SBF1: variants seen among roughly 807,000 people sequenced by gnomAD.
SBF1 encodes the protein myotubularin-related protein 5.
In SBF1, 65 loss-of-function variants were observed where a neutral mutation model predicts 215.8. The observed-to-expected ratio is 0.30, with a 90% CI of 0.25 to 0.37. The LOEUF (loss-of-function observed/expected upper bound fraction) is 0.37. SBF1 is among the 10% of genes least tolerant of loss of function. SBF1 has a pLI of 1.00. For missense variants in SBF1, 2,634 were observed against 2,667.8 expected (o/e 0.99, Z 0.28); for synonymous variants, 1,410 against 1,122.8 (o/e 1.26, Z -5.11).
intron 31 of SBF1, 161 bp from the exon 32 acceptor site, chr22:50,455,743 C>A: frequency 1.5e-6 from 1 of 647,326 alleles, no homozygotes; most frequent in South Asian, 1.9e-5. Flanking sequence ...AAACACAGCT[C>A]GCTCTGGGTG....
intron 31 of SBF1, 194 bp from the exon 32 acceptor site, chr22:50,455,776 G>A (rs2067222241): frequency 3.3e-6 from 2 of 609,440 alleles, no homozygotes; most frequent in Non-Finnish European, 5.8e-6. Context: ...CCTCCAGCCT[G>A]CTGGTCACAG....
Position 50,456,544 on chromosome 22 carries a change from A to G in SBF1, c.4034T>C (p.Leu1345Pro). The G allele has an allele frequency of 1.3e-6, 2 of 1,560,132 alleles. No individual in the cohort carries two copies. Among genetic ancestry groups the G allele is most frequent in the Non-Finnish European group, 1.7e-6 (2 of 1,150,978 alleles). ...ANGGPPDPGF[L>P]RPQRAALYIL... ...ATAGAGGGCTGCTCGCTGCGGACGC[A>G]GGAAGCCCGGGTCGGGAGGGCCCCC... Residue 1345 changes from leucine to proline, a missense_variant, in exon 30 of 41, where the codon CTG becomes CCG. Leu to Pro is a moderately conservative substitution (Grantham distance 98). Transcript: ENST00000380817.
chr22:50,468,363 G>GC lies in SBF1; in HGVS notation c.141+12dup, dbSNP rs552527272. 6.2e-7 allele frequency: 1 copy of GC among 1,610,612 alleles called. No individual in the cohort carries two copies. Among genetic ancestry groups the GC allele is most frequent in the East Asian group, 2.2e-5 (1 of 44,762 alleles). ...CCACCTGCCAGCACCGTCTCAGCAC[G>GC]CCCCCAACTCACCAGCTCGATGCCC... is the stretch of plus-strand genomic sequence containing the variant. On this transcript the variant is annotated intron_variant, in intron 2 of 40. Coordinates refer to ENST00000380817, the MANE Select transcript of SBF1 (RefSeq NM_002972.4).
At position 50,475,000 on chromosome 22, in the gene SBF1, T is replaced by A. The variant is rs4824154; in HGVS notation, c.-160A>T. On this transcript the variant is annotated 5_prime_UTR_variant, in exon 1 of 41. Transcript: ENST00000380817. ...GCGGCGGCGGCGGCGGCGGCCCAGG[T>A]TCCCGCCGCCATCTTCCCAGCCAGC... 9 of 251,228 alleles carry A rather than the reference T, an allele frequency of 3.6e-5. No individual in the cohort carries two copies. Among genetic ancestry groups the A allele is most frequent in the South Asian group, 1.0e-4 (1 of 9,692 alleles). 15.6% of individuals were successfully genotyped at this position (251,228 alleles called of 1,614,324 possible). A position where few individuals can be genotyped will look rare whatever the true frequency, so the allele number is the denominator to read the frequency against.
At chr22:50,466,834 T>A in intron 5 of SBF1, 124 bp from the exon 6 acceptor site, 1 of 651,344 alleles carries the variant, frequency 1.5e-6, no homozygotes, top group East Asian at 2.9e-5. Context: ...CTGGCTGGGA[T>A]GGGCAACATG....
At chr22:50,469,653 G>A (rs1457832129) in intron 1 of SBF1, among the ~76,000 whole-genome samples, 1 of 152,176 alleles carries the variant, frequency 6.6e-6, no homozygotes, top group Non-Finnish European at 1.5e-5. Flanking sequence ...CTGTCTGGAC[G>A]GGCCTCTACA....
At chr22:50,473,990 C>A (rs1286534364) in intron 1 of SBF1, among the ~76,000 whole-genome samples, 1 of 152,200 alleles carries the variant, frequency 6.6e-6, no homozygotes. Flanking sequence ...ACACCAAGCA[C>A]GCTCGCCAAC....
At position 50,468,410 on chromosome 22, in the gene SBF1, C is replaced by CT. The variant is rs2067870517; in HGVS notation, c.106_107insA (p.Trp36Ter). 1 of 1,613,070 alleles carries CT rather than the reference C, an allele frequency of 6.2e-7. No individual in the cohort carries two copies. Among genetic ancestry groups the CT allele is most frequent in the Non-Finnish European group, 8.5e-7 (1 of 1,179,456 alleles). The change falls in exon 2 of 41, where the codon TGG (tryptophan) becomes TAGG (stop). Residue 36 changes from tryptophan (W) to a stop codon, truncating the protein, a stop_gained and frameshift_variant. Transcript: ENST00000380817. LOFTEE classifies it high-confidence loss of function. ...GCCCTGGGGGAATGGGTTGTCCTCC[C>CT]AGTCCTTCTCTGGGAAGCGCTGCAG... ...QILQRFPEKD[W>*]EDNPFPQGIE...
At chr22:50,465,686 G>A in intron 10 of SBF1, 77 bp downstream of exon 10, 2 of 1,351,454 alleles carry the variant, frequency 1.5e-6, no homozygotes. Flanking sequence ...GGGGCCCTGT[G>A]TGTCAGTGGC....
Position 50,454,577 on chromosome 22 carries a change from C to T in SBF1, c.4978G>A (p.Val1660Met), listed in dbSNP as rs753949284. 4 of 1,611,648 alleles carry T rather than the reference C, an allele frequency of 2.5e-6. No homozygotes were observed. The highest frequency in any genetic ancestry group is 2.2e-5 in the East Asian group (1 of 44,872). Residue 1660 changes from valine to methionine, a missense_variant, in exon 36 of 41, where the codon GTG becomes ATG. Coordinates refer to ENST00000380817, the MANE Select transcript of SBF1 (RefSeq NM_002972.4). The part of the protein sequence containing the change: ...DGGAPQSRRR[V>M]VWPCYDSCPR... Reference sequence around the variant, plus strand: ...CAGCTGTCGTAACAGGGCCACACCACGCGGCGCCTGCTCTGGGGAGCGCCT... The same window carrying T: ...CAGCTGTCGTAACAGGGCCACACCATGCGGCGCCTGCTCTGGGGAGCGCCT...
chr22:50,471,334 G>A (rs2067988586), intron 1 of SBF1, among the ~76,000 whole-genome samples: 1 of 152,234 alleles, frequency 6.6e-6, no homozygotes, highest in South Asian at 2.1e-4. Context: ...CTGAAAGGCG[G>A]GCGGGCGGGC....
At position 50,446,385 on chromosome 22, in the gene SBF1, A is replaced by G. The variant is rs1239043307; in HGVS notation, c.*757T>C. The G allele has an allele frequency of 3.6e-5, 1 of 28,006 alleles. No individual in the cohort carries two copies. Among genetic ancestry groups the G allele is most frequent in the Non-Finnish European group, 7.2e-5 (1 of 13,802 alleles). The allele number at this position is 28,006 out of a possible 1,614,324, so 1.7% of individuals were successfully genotyped here. A position where few individuals can be genotyped will look rare whatever the true frequency, so the allele number is the denominator to read the frequency against. On this transcript the variant is annotated 3_prime_UTR_variant, in exon 41 of 41. Coordinates refer to ENST00000380817, the MANE Select transcript of SBF1 (RefSeq NM_002972.4). Reference sequence around the variant, plus strand: ...CCCCCCCCCCCCGCCTCCGGCCTCCATCCCTTCAGCTCGGGTCTAGCCAGA... The same window carrying G: ...CCCCCCCCCCCCGCCTCCGGCCTCCGTCCCTTCAGCTCGGGTCTAGCCAGA...
chr22:50,455,760 C>T (rs1225071464), intron 31 of SBF1, 178 bp from the exon 32 acceptor site: 6 of 619,812 alleles, frequency 9.7e-6, no homozygotes, highest in Non-Finnish European at 1.7e-5. Flanking sequence ...GGTGTGCCGA[C>T]CACCGCCTCC....
Position 50,465,016 on chromosome 22 carries a change from C to T in SBF1, c.1317G>A (p.Thr439=), listed in dbSNP as rs1468707092. The T allele has an allele frequency of 1.6e-5, 26 of 1,613,850 alleles. No homozygotes were observed. Among genetic ancestry groups the T allele is most frequent in the African/African-American group, 2.7e-5 (2 of 74,890 alleles). Residue 439 remains threonine (T), a synonymous_variant, in exon 12 of 41, where the codon ACG becomes ACA. Coordinates refer to ENST00000380817, the MANE Select transcript of SBF1 (RefSeq NM_002972.4). ...VSERGVPYRP[T]DLFDELVAHE... is the part of the protein sequence containing the mutation. ...GGAGGTGCACCTCATCGAACAGGTC[C>T]GTAGGGCGGTATGGGACCCCACGCT...
At position 50,463,670 on chromosome 22, in the gene SBF1, G is replaced by C. The variant is rs549003209; in HGVS notation, c.1750-238C>G. 4.6e-5 allele frequency among the ~76,000 whole-genome samples: 7 copies of C among 152,376 alleles called. No individual in the cohort carries two copies. In the South Asian group the frequency reaches 1.4e-3, roughly 32 times the overall value. On this transcript the variant is annotated intron_variant, in intron 15 of 40. Coordinates refer to ENST00000380817, the MANE Select transcript of SBF1 (RefSeq NM_002972.4). ...GATGCTGCACCTGTGAGCTGGCAGG[G>C]AGGTGCGCTCCGGAGGGAGGCCTTG...
At position 50,457,028 on chromosome 22, in the gene SBF1, C is replaced by G; in HGVS notation, c.3904+6G>C. The G allele has an allele frequency of 2.8e-6, 4 of 1,428,890 alleles. No homozygotes were observed. Among genetic ancestry groups the G allele is most frequent in the South Asian group, 3.1e-5 (2 of 64,304 alleles). The allele number at this position is 1,428,890 out of a possible 1,614,324, so 88.5% of individuals were successfully genotyped here. On this transcript the variant is annotated splice_donor_region_variant and intron_variant, in intron 29 of 40. Transcript: ENST00000380817. Reference sequence around the variant, plus strand: ...GAGGCGGGCCTGCGCAGGCTCGGTACGGTACCTCGGGGTGCGGTCCGTCTG... The same window carrying G: ...GAGGCGGGCCTGCGCAGGCTCGGTAGGGTACCTCGGGGTGCGGTCCGTCTG...
At chr22:50,466,868 G>GC (rs1426199915) in intron 5 of SBF1, 158 bp from the exon 6 acceptor site, 4 of 596,834 alleles carry the variant, frequency 6.7e-6, no homozygotes, top group Non-Finnish European at 1.2e-5. Context: ...GCCATGCCCT[G>GC]CCTCTGTTGT....
chr22:50,457,191 G>A, intron 28 of SBF1, 80 bp from the exon 29 acceptor site: 1 of 1,188,492 alleles, frequency 8.4e-7, no homozygotes, highest in Non-Finnish European at 1.1e-6. Context: ...ACAGGTCAGA[G>A]GGTTCCACCA....
At position 50,454,507 on chromosome 22, in the gene SBF1, C is replaced by A. The variant is rs369692856; in HGVS notation, c.5043+5G>T. ...GGCCAGACCCTGCTCTGGGATCACA[C>A]GCACCTCCAGCAGGCGTGAGATGGC... On this transcript the variant is annotated splice_donor_5th_base_variant and intron_variant, in intron 36 of 40. Transcript: ENST00000380817. 5 of 1,606,850 alleles carry A rather than the reference C, an allele frequency of 3.1e-6. No individual in the cohort carries two copies. In the South Asian group the frequency reaches 5.5e-5, roughly 18 times the overall value.
Sources: allele counts gnomAD v4.1 joint callset (sites outside exome capture counted in the v4.1 genomes callset), GRCh38; gene constraint gnomAD v4.1.1; transcripts MANE v1.5; gene names NCBI Gene and HGNC (gene_info 2026-07-23, HGNC 2026-07-21).